The following TRIM32 variants were observed in gnomAD, a reference collection of about 807,000 sequenced individuals.
The protein encoded by TRIM32 is tripartite motif containing 32.
Under a neutral mutation model 36.0 loss-of-function variants are expected in TRIM32, and 19 were observed. The observed-to-expected ratio is 0.53, with a 90% CI of 0.37 to 0.77. The LOEUF is 0.77. TRIM32 is among the 30% of genes least tolerant of loss of function. TRIM32 has a pLI of 0.00. For synonymous variants in TRIM32, 309 were observed against 318.5 expected, an observed-to-expected ratio of 0.97 and a Z score of 0.32; for missense variants, 747 against 845.2, an observed-to-expected ratio of 0.88 and a Z score of 1.44.
Position 116,698,393 on chromosome 9 carries a change from T to C in TRIM32, c.651T>C (p.Asn217=). ...TGSLAEVEKS[N]SQVVEEQSYL... ...CTTTGGCTGAAGTTGAGAAGTCCAA[T>C]AGTCAAGTGGTAGAGGAGCAGAGTT... is the stretch of plus-strand genomic sequence containing the variant. Residue 217 remains asparagine, a synonymous_variant, in exon 2 of 2, where the codon AAT becomes AAC. Transcript: ENST00000450136. This position sits in a 1 kb window ranked among gnomAD's most constrained non-coding sequence, Gnocchi z 4.4. 1 of 1,614,026 alleles carries C rather than the reference T, an allele frequency of 6.2e-7. No homozygotes were observed. Among genetic ancestry groups the C allele is most frequent in the Non-Finnish European group, 8.5e-7 (1 of 1,179,992 alleles).
In TRIM32 at chr9:116,699,017, T is replaced by C. The variant is rs150813870; in HGVS notation, c.1275T>C (p.Asp425=). 172 of 1,614,158 alleles carry C rather than the reference T, an allele frequency of 1.1e-4. 3 individuals carry two copies. In the East Asian group the frequency reaches 1.7e-3, roughly 16 times the overall value. The change falls in exon 2 of 2, where the codon GAT becomes GAC. Residue 425 remains aspartate (D), a synonymous_variant. Coordinates refer to ENST00000450136, the MANE Select transcript of TRIM32 (RefSeq NM_012210.4). The surrounding 1 kb of genome is among the most constrained non-coding windows in gnomAD (Gnocchi z 4.2). ...DSFVLSFLGA[D]LPNLTPLSVA... ...TTGTGCTAAGCTTCCTTGGGGCAGATCTACCCAACCTCACTCCTCTCTCAG... is the reference window on the plus strand; with the variant it reads ...TTGTGCTAAGCTTCCTTGGGGCAGACCTACCCAACCTCACTCCTCTCTCAG...
chr9:116,695,234 A>T (rs1860784842), intron 1 of TRIM32, among the ~76,000 whole-genome samples: 1 of 152,166 alleles, frequency 6.6e-6, no homozygotes, highest in African/African-American at 2.4e-5. Flanking sequence ...TCGTTTCCTC[A>T]TCTGTAAAAT....
At position 116,699,868 on chromosome 9, in the gene TRIM32, G is replaced by A. The variant is rs377368040; in HGVS notation, c.*164G>A. On this transcript the variant is annotated 3_prime_UTR_variant, in exon 2 of 2. Coordinates refer to ENST00000450136, the MANE Select transcript of TRIM32 (RefSeq NM_012210.4). This position sits in a 1 kb window ranked among gnomAD's most constrained non-coding sequence, Gnocchi z 4.2. ...ATCTTTTAATGTTTTTATTTGTTAT[G>A]TCCCCCTCCCCGCTTCCCACCTAAA... 1.8e-5 allele frequency: 17 copies of A among 934,036 alleles called. No individual in the cohort carries two copies. The African/African-American group carries it at 2.2e-4, about 12-fold the overall frequency. 57.9% of individuals were successfully genotyped at this position (934,036 alleles called of 1,614,324 possible). A position where few individuals can be genotyped will look rare whatever the true frequency, so the allele number is the denominator to read the frequency against.
intron 1 of TRIM32, among the ~76,000 whole-genome samples, chr9:116,696,477 T>G (rs1049003247): frequency 6.6e-5 from 10 of 152,190 alleles, no homozygotes; most frequent in African/African-American, 2.4e-4. Flanking sequence ...TCTTGTCCTT[T>G]CCTTTGCCTT....
chr9:116,689,101 C>T (rs901774483), intron 1 of TRIM32, among the ~76,000 whole-genome samples: 8 of 152,094 alleles, frequency 5.3e-5, no homozygotes, highest in Non-Finnish European at 1.2e-4. Flanking sequence ...GTGTGGGATA[C>T]GCCCTTCCCC....
chr9:116,692,786 C>T (rs913288782), intron 1 of TRIM32, among the ~76,000 whole-genome samples: 1 of 152,094 alleles, frequency 6.6e-6, no homozygotes, highest in Non-Finnish European at 1.5e-5. Context: ...TTTTCTTCCC[C>T]TTTTGCCCAG....
In TRIM32 at chr9:116,699,265, G is replaced by A. The variant is rs1291429914; in HGVS notation, c.1523G>A (p.Ser508Asn). 1.2e-6 allele frequency: 2 copies of A among 1,614,098 alleles called. No homozygotes were observed. The highest frequency in any genetic ancestry group is 1.3e-5 in the African/African-American group (1 of 74,936). Reference protein sequence around the residue: ...VDRGSGVVKYSCLCSAVRPKF... With the variant: ...VDRGSGVVKYNCLCSAVRPKF... ...CGAGGATCAGGGGTGGTCAAATACAGCTGCCTATGTAGTGCTGTGCGGCCC... is the reference window on the plus strand; with the variant it reads ...CGAGGATCAGGGGTGGTCAAATACAACTGCCTATGTAGTGCTGTGCGGCCC... Residue 508 changes from serine to asparagine, a missense_variant, in exon 2 of 2, where the codon AGC becomes AAC. Transcript: ENST00000450136. The surrounding 1 kb of genome is among the most constrained non-coding windows in gnomAD (Gnocchi z 4.2).
At chr9:116,689,238 A>G (rs1175571461) in intron 1 of TRIM32, among the ~76,000 whole-genome samples, 1 of 152,106 alleles carries the variant, frequency 6.6e-6, no homozygotes, top group East Asian at 1.9e-4. Context: ...TCCTAGCTCT[A>G]TCTCTTCCTG....
Position 116,698,629 on chromosome 9 carries a change from A to C in TRIM32, c.887A>C (p.Lys296Thr). The C allele has an allele frequency of 6.2e-7, 1 of 1,614,162 alleles. No homozygotes were observed. The change falls in exon 2 of 2, where the codon AAG becomes ACG. Residue 296 changes from lysine to threonine, a missense_variant. Coordinates refer to ENST00000450136, the MANE Select transcript of TRIM32 (RefSeq NM_012210.4). The surrounding 1 kb of genome is among the most constrained non-coding windows in gnomAD (Gnocchi z 4.4). The part of the protein sequence containing the change: ...VGPLQIGQAV[K>T]KPRTVNVEDS... ...CCCCTCCAAATTGGACAAGCTGTTA[A>C]GAAGCCCCGGACAGTTAACGTGGAA... is the stretch of plus-strand genomic sequence containing the variant.
chr9:116,693,691 C>G (rs1473998131), intron 1 of TRIM32, among the ~76,000 whole-genome samples: 2 of 152,210 alleles, frequency 1.3e-5, no homozygotes, highest in African/African-American at 2.4e-5. Flanking sequence ...CAAGATGATA[C>G]ATAGCATGTT....
At position 116,698,464 on chromosome 9, in the gene TRIM32, A is replaced by G. The variant is rs1860996799; in HGVS notation, c.722A>G (p.Tyr241Cys). ...AEVQAVSRCD[Y>C]FLAKIKQADV... Reference sequence around the variant, plus strand: ...GTGCAGGCTGTGTCTCGCTGTGACTACTTCCTGGCCAAGATCAAGCAGGCA... The same window carrying G: ...GTGCAGGCTGTGTCTCGCTGTGACTGCTTCCTGGCCAAGATCAAGCAGGCA... The change falls in exon 2 of 2, where the codon TAC becomes TGC. Residue 241 changes from tyrosine to cysteine, a missense_variant. Physicochemically the swap from Tyr to Cys is radical, Grantham distance 194 (BLOSUM62 -2). Coordinates refer to ENST00000450136, the MANE Select transcript of TRIM32 (RefSeq NM_012210.4). This position sits in a 1 kb window ranked among gnomAD's most constrained non-coding sequence, Gnocchi z 4.4. The G allele has an allele frequency of 1.2e-6, 2 of 1,613,918 alleles. No homozygotes were observed. The highest frequency in any genetic ancestry group is 1.7e-4 in the Middle Eastern group (1 of 5,974).
Position 116,697,985 on chromosome 9 carries a change from A to G in TRIM32, c.243A>G (p.Thr81=), listed in dbSNP as rs769040262. 4 of 1,614,118 alleles carry G rather than the reference A, an allele frequency of 2.5e-6. No individual in the cohort carries two copies. Among genetic ancestry groups the G allele is most frequent in the Non-Finnish European group, 3.4e-6 (4 of 1,180,054 alleles). Residue 81 remains threonine, a synonymous_variant, in exon 2 of 2, where the codon ACA becomes ACG. Transcript: ENST00000450136. ...TGACCCAGCTGACAGACAATCTGAC[A>G]GTGCTAAAGATCATTGATACAGCTG... ...TSLTQLTDNL[T]VLKIIDTAGL...
chr9:116,697,297 A>C (rs1433504844), intron 1 of TRIM32: 3 of 206,610 alleles, frequency 1.5e-5, no homozygotes, highest in Non-Finnish European at 3.0e-5. Context: ...TATACTAAGC[A>C]CATCATATTT....
intron 1 of TRIM32, among the ~76,000 whole-genome samples, chr9:116,694,368 C>T (rs1378901269): frequency 6.6e-6 from 1 of 151,934 alleles, no homozygotes; most frequent in African/African-American, 2.4e-5. Flanking sequence ...TCCAAATGTC[C>T]TCAGTCTGTT....
chr9:116,698,133 C>T lies in TRIM32; in HGVS notation c.391C>T (p.Pro131Ser), dbSNP rs763955829. ...CTGCCGGGAGGCAGACCATCAGCCT[C>T]CTGGCCACTGTACACTCCCTGTCAA... ...EPCREADHQP[P>S]GHCTLPVKEA... Residue 131 changes from proline (P) to serine (S), a missense_variant, in exon 2 of 2, where the codon CCT becomes TCT. Transcript: ENST00000450136. The surrounding 1 kb of genome is among the most constrained non-coding windows in gnomAD (Gnocchi z 4.4). 9.3e-6 allele frequency: 15 copies of T among 1,614,118 alleles called. No individual in the cohort carries two copies. Among genetic ancestry groups the T allele is most frequent in the Middle Eastern group, 1.7e-4 (1 of 6,060 alleles).
chr9:116,697,759 C>T lies in TRIM32; in HGVS notation c.17C>T (p.Ala6Val), dbSNP rs763454337. The T allele has an allele frequency of 1.2e-6, 2 of 1,614,110 alleles. No homozygotes were observed. The highest frequency in any genetic ancestry group is 1.7e-6 in the Non-Finnish European group (2 of 1,180,052). ...GGAAGAGCAATGGCTGCAGCAGCAGCTTCTCACCTGAACCTGGATGCCCTC... is the reference window on the plus strand; with the variant it reads ...GGAAGAGCAATGGCTGCAGCAGCAGTTTCTCACCTGAACCTGGATGCCCTC... MAAAA[A>V]SHLNLDALRE... Residue 6 changes from alanine (A) to valine (V), a missense_variant, in exon 2 of 2, where the codon GCT becomes GTT. Transcript: ENST00000450136.
chr9:116,694,140 G>A (rs1178637887), intron 1 of TRIM32, among the ~76,000 whole-genome samples: 1 of 152,120 alleles, frequency 6.6e-6, no homozygotes, highest in Non-Finnish European at 1.5e-5. Flanking sequence ...TGGGGATGTG[G>A]GCATAGTAAA....
In TRIM32 at chr9:116,688,298, G is replaced by T. The variant is rs539357455; in HGVS notation, c.-82+917G>T. ...GGTTTGGAGAGGATTGAATCGTGGG[G>T]TGGAGATGTCCTAACTGGGCTATAA... On this transcript the variant is annotated intron_variant, in intron 1 of 1. Coordinates refer to ENST00000450136, the MANE Select transcript of TRIM32 (RefSeq NM_012210.4). 2.0e-5 allele frequency among the ~76,000 whole-genome samples: 3 copies of T among 152,218 alleles called. No homozygotes were observed. The South Asian group carries it at 6.2e-4, about 32-fold the overall frequency.
chr9:116,698,422 T>C lies in TRIM32; in HGVS notation c.680T>C (p.Leu227Pro). The change falls in exon 2 of 2, where the codon CTG (leucine) becomes CCG (proline). Residue 227 changes from leucine (L) to proline (P), a missense_variant. Leu to Pro is a moderately conservative substitution (Grantham distance 98). Transcript: ENST00000450136. The surrounding 1 kb of genome is among the most constrained non-coding windows in gnomAD (Gnocchi z 4.4). ...NSQVVEEQSY[L>P]LNIAEVQAVS... ...CAAGTGGTAGAGGAGCAGAGTTACC[T>C]GCTTAACATTGCAGAGGTGCAGGCT... 6.2e-7 allele frequency: 1 copy of C among 1,614,112 alleles called. No individual in the cohort carries two copies. The highest frequency in any genetic ancestry group is 1.1e-5 in the South Asian group (1 of 91,078).
Sources: allele counts gnomAD v4.1 joint callset (sites outside exome capture counted in the v4.1 genomes callset), GRCh38; gene constraint gnomAD v4.1.1; non-coding constraint Gnocchi (gnomAD v3.1); transcripts MANE v1.5; gene names NCBI Gene and HGNC (gene_info 2026-07-23, HGNC 2026-07-21).